Variants in NIPBL observed in about 807,000 individuals in gnomAD.
NIPBL encodes NIPBL cohesin loading factor, also known as nipped-B-like protein.
Under a neutral mutation model 321.8 loss-of-function variants are expected in NIPBL, and 19 were observed. The ratio of observed to expected loss-of-function variants is 0.06; its 90% confidence interval spans 0.04 to 0.09. The LOEUF (loss-of-function observed/expected upper bound fraction) is 0.09. Ranked by LOEUF, NIPBL falls within the 10% of genes least tolerant of loss-of-function variation. The pLI is 1.00. For synonymous variants in NIPBL, 1,106 were observed against 1,114.1 expected (o/e 0.99, Z 0.14); for missense variants, 2,210 against 3,327.0 (o/e 0.66, Z 8.26).
chr5:36,976,406 AAAT>A lies in NIPBL; in HGVS notation c.1495+8_1495+10del, dbSNP rs398124464. ...TCAAAAGAAGTTCAAGATAAAGGTA[AAAT>A]AATCTCATTATTACCACTTCATCAT... On this transcript the variant is annotated splice_donor_5th_base_variant and intron_variant, in intron 9 of 46. Transcript: ENST00000282516. The A allele has an allele frequency of 2.9e-3, 4,612 of 1,602,806 alleles. 5 individuals are homozygous for A. The highest frequency in any genetic ancestry group is 3.5e-3 in the Non-Finnish European group (4,099 of 1,179,634).
intron 1 of NIPBL, among the ~76,000 whole-genome samples, chr5:36,945,216 T>C (rs911938193): frequency 1.3e-5 from 2 of 152,284 alleles, no homozygotes; most frequent in Non-Finnish European, 1.5e-5. Flanking sequence ...GACTATTTTT[T>C]TCCTGAGGTA....
intron 38 of NIPBL, 142 bp from the exon 39 acceptor site, chr5:37,048,360 G>A: frequency 2.5e-6 from 1 of 393,300 alleles, no homozygotes; most frequent in Non-Finnish European, 4.3e-6. Flanking sequence ...TCTAGGTAAG[G>A]CCACCAGCAT....
intron 32 of NIPBL, 61 bp from the exon 33 acceptor site, chr5:37,036,318 A>AT (rs202003424): frequency 1.0e-3 from 384 of 367,222 alleles, no homozygotes; most frequent in Non-Finnish European, 1.3e-3. Flanking sequence ...TTATACCGGG[A>AT]TTTTTTTTTC....
chr5:36,973,645 A>G (rs990549381), intron 8 of NIPBL, among the ~76,000 whole-genome samples: 1 of 151,392 alleles, frequency 6.6e-6, no homozygotes, highest in Non-Finnish European at 1.5e-5. Context: ...TTTTTTTTGT[A>G]TTTTTAGTAG....
intron 32 of NIPBL, among the ~76,000 whole-genome samples, chr5:37,032,394 T>A (rs1299807272): frequency 2.2e-5 from 2 of 90,100 alleles, no homozygotes; most frequent in African/African-American, 1.7e-4. Context: ...TACGTGTGTG[T>A]GTGTGTGTGT....
intron 1 of NIPBL, chr5:36,886,198 G>T: frequency 1.5e-6 from 1 of 653,584 alleles, no homozygotes; most frequent in Non-Finnish European, 2.8e-6. Context: ...GACCTGCTAT[G>T]CCCTGCAGGT....
chr5:37,049,538 T>C (rs1453318520), intron 40 of NIPBL, among the ~76,000 whole-genome samples: 1 of 152,200 alleles, frequency 6.6e-6, no homozygotes, highest in Non-Finnish European at 1.5e-5. Flanking sequence ...GAACATATAC[T>C]CAAATTATTT....
Position 36,877,049 on chromosome 5 carries a change from C to G in NIPBL, c.-209C>G, listed in dbSNP as rs955755427. On this transcript the variant is annotated 5_prime_UTR_variant, in exon 1 of 47. Coordinates refer to ENST00000282516, the MANE Select transcript of NIPBL (RefSeq NM_133433.4). ...TTTGTCTTCTCGGCTGGTCTCCCCC[C>G]GGCTCTACATGTTCCCCGCACTGAG... is the stretch of plus-strand genomic sequence containing the variant. 4 of 354,856 alleles carry G rather than the reference C, an allele frequency of 1.1e-5. No homozygotes were observed. The highest frequency in any genetic ancestry group is 8.6e-5 in the African/African-American group (4 of 46,710). 22.0% of individuals were successfully genotyped at this position (354,856 alleles called of 1,614,324 possible).
intron 10 of NIPBL, among the ~76,000 whole-genome samples, chr5:36,987,045 C>CT (rs1302996000): frequency 2.0e-5 from 3 of 151,924 alleles, no homozygotes; most frequent in Non-Finnish European, 4.4e-5. Flanking sequence ...TTTAAAATAA[C>CT]TTTTTTTATT....
In NIPBL at chr5:37,020,561, C is replaced by T. The variant is rs750570299; in HGVS notation, c.5113C>T (p.His1705Tyr). ...QKDEESSEGT[H>Y]HAKEIETTGQ... The stretch of plus-strand genomic sequence containing the variant: ...AGATGAAGAATCATCTGAAGGAACA[C>T]ATCATGCAAAGGAAATTGAGACAAC... Residue 1705 changes from histidine to tyrosine, a missense_variant, in exon 26 of 47, where the codon CAT becomes TAT. Physicochemically the swap from His to Tyr is moderately conservative, Grantham distance 83. Around this residue, in one of 14 missense-constraint regions of NIPBL, gnomAD observed 138 missense variants for 175.8 expected, o/e 0.79. Transcript: ENST00000282516. The T allele has an allele frequency of 2.5e-5, 40 of 1,613,768 alleles. No homozygotes were observed. The highest frequency in any genetic ancestry group is 3.1e-5 in the Non-Finnish European group (37 of 1,179,836).
At chr5:37,012,982 A>G (rs1340487321) in intron 21 of NIPBL, among the ~76,000 whole-genome samples, 3 of 152,140 alleles carry the variant, frequency 2.0e-5, no homozygotes, top group Admixed American at 6.5e-5. Context: ...GCTGTTGGGT[A>G]CACTTCCCAG....
intron 30 of NIPBL, among the ~76,000 whole-genome samples, chr5:37,025,492 A>G (rs541760807): frequency 3.1e-4 from 47 of 152,316 alleles, no homozygotes; most frequent in African/African-American, 1.1e-3. Flanking sequence ...GAGAATAGAA[A>G]GATGGTTAGC....
intron 6 of NIPBL, among the ~76,000 whole-genome samples, chr5:36,970,472 A>C (rs1447943387): frequency 6.7e-6 from 1 of 150,316 alleles, no homozygotes; most frequent in Non-Finnish European, 1.5e-5. Context: ...AAGTTATATA[A>C]GGATAGATAC....
chr5:36,999,802 GT>G (rs948483456), intron 11 of NIPBL, among the ~76,000 whole-genome samples: 2 of 152,134 alleles, frequency 1.3e-5, no homozygotes, highest in African/African-American at 4.8e-5. Flanking sequence ...AACTGTACAG[GT>G]TTTTTCTGTC....
intron 32 of NIPBL, among the ~76,000 whole-genome samples, chr5:37,035,597 G>A (rs1751603228): frequency 6.6e-6 from 1 of 152,044 alleles, no homozygotes; most frequent in African/African-American, 2.4e-5. Context: ...GTCACAGTAG[G>A]TACATTGCAA....
intron 32 of NIPBL, among the ~76,000 whole-genome samples, chr5:37,034,013 G>A (rs987966803): frequency 1.2e-4 from 18 of 151,752 alleles, no homozygotes; most frequent in African/African-American, 3.9e-4. Context: ...AATTAATACC[G>A]AGAATAAATA....
intron 24 of NIPBL, among the ~76,000 whole-genome samples, chr5:37,018,908 G>C (rs968009063): frequency 3.3e-5 from 5 of 152,042 alleles, no homozygotes; most frequent in African/African-American, 4.8e-5. Context: ...TTCGAGATCA[G>C]CTTAGCCAAC....
At chr5:37,026,858 C>T (rs1368590633) in intron 31 of NIPBL, among the ~76,000 whole-genome samples, 1 of 151,450 alleles carries the variant, frequency 6.6e-6, no homozygotes, top group Non-Finnish European at 1.5e-5. Flanking sequence ...TGTAATCATG[C>T]CTGTGAATAG....
rs1002002441 is a variant in NIPBL at position 36,942,763 on chromosome 5, A to G, written c.-79-10855A>G. Among the ~76,000 whole-genome samples the G allele has an allele frequency of 2.6e-5, 4 of 151,526 alleles. No homozygotes were observed. The East Asian group carries it at 7.7e-4, about 29-fold the overall frequency. On this transcript the variant is annotated intron_variant, in intron 1 of 46. Transcript: ENST00000282516. ...AAAAAAAAAAAAAATTATCCTCCCTAAAAAGCTATTCCAGTATCTTTTTTC... is the reference window on the plus strand; with the variant it reads ...AAAAAAAAAAAAAATTATCCTCCCTGAAAAGCTATTCCAGTATCTTTTTTC...
Sources: allele counts gnomAD v4.1 joint callset (sites outside exome capture counted in the v4.1 genomes callset), GRCh38; gene constraint gnomAD v4.1.1; regional missense constraint gnomAD v4.1.1; transcripts MANE v1.5; gene names NCBI Gene and HGNC (gene_info 2026-07-23, HGNC 2026-07-21).